The following ZFHX3 variants were observed in gnomAD, a reference collection of about 807,000 sequenced individuals.
ZFHX3 encodes the protein zinc finger homeobox 3, also known as zinc finger homeobox protein 3.
ZFHX3 carries 42 observed loss-of-function variants against 279.1 expected under a neutral mutation model. The observed-to-expected ratio is 0.15, with a 90% CI of 0.12 to 0.19. The LOEUF is 0.19. ZFHX3 is among the 10% of genes least tolerant of loss of function. ZFHX3 has a pLI of 1.00. For synonymous variants in ZFHX3, 2,293 were observed against 1,957.8 expected (o/e 1.17, Z -4.52); for missense variants, 4,981 against 4,754.0 (o/e 1.05, Z -1.40).
chr16:73,318,376 C>G (rs138849114), intron 3 of ZFHX3: 7 of 152,258 alleles, frequency 4.6e-5, no homozygotes, highest in African/African-American at 9.7e-5. Context: ...CACCTTTAAT[C>G]TCACGACACA....
intron 4 of ZFHX3, among the ~76,000 whole-genome samples, chr16:73,304,214 C>A (rs1017833713): frequency 8.6e-5 from 13 of 152,028 alleles, no homozygotes; most frequent in Non-Finnish European, 1.8e-4. Context: ...GGCTGGTTAG[C>A]CAGCAGCATG....
At chr16:73,644,129 G>A (rs912032610) in intron 2 of ZFHX3, among the ~76,000 whole-genome samples, 1 of 151,992 alleles carries the variant, frequency 6.6e-6, no homozygotes, top group African/African-American at 2.4e-5. Flanking sequence ...CTTTGACCTA[G>A]GTGGTTCTGG....
chr16:73,003,015 A>G (rs954620168), intron 1 of ZFHX3, among the ~76,000 whole-genome samples: 4 of 152,196 alleles, frequency 2.6e-5, no homozygotes, highest in African/African-American at 7.2e-5. Flanking sequence ...CTGAAGTCCT[A>G]TAGTCCACAG....
In ZFHX3 at chr16:72,960,205, G is replaced by C. The variant is rs961590879; in HGVS notation, c.-49-11C>G. 7.4e-6 allele frequency: 11 copies of C among 1,487,952 alleles called. No homozygotes were observed. In the Middle Eastern group the frequency reaches 1.3e-3, roughly 175 times the overall value. 92.2% of individuals were successfully genotyped at this position (1,487,952 alleles called of 1,614,324 possible). A position where few individuals can be genotyped will look rare whatever the true frequency, so the allele number is the denominator to read the frequency against. On this transcript the variant is annotated splice_polypyrimidine_tract_variant and intron_variant, in intron 1 of 9. Coordinates refer to ENST00000268489, the MANE Select transcript of ZFHX3 (RefSeq NM_006885.4). Reference sequence around the variant, plus strand: ...TACGGAGGCTCGGACCTGAAGGGCAGAGGCAAGGGGGGAGGAGGGAGAGAG... The same window carrying C: ...TACGGAGGCTCGGACCTGAAGGGCACAGGCAAGGGGGGAGGAGGGAGAGAG...
At chr16:73,450,811 A>T (rs2018270802) in intron 3 of ZFHX3, among the ~76,000 whole-genome samples, 1 of 152,184 alleles carries the variant, frequency 6.6e-6, no homozygotes, top group African/African-American at 2.4e-5. Context: ...TCTTTCTTAC[A>T]GGGGGAGTCT....
At chr16:73,446,979 G>C (rs574532089) in intron 3 of ZFHX3, among the ~76,000 whole-genome samples, 27 of 152,152 alleles carry the variant, frequency 1.8e-4, no homozygotes, top group Admixed American at 9.2e-4. Context: ...AGGAGATCGA[G>C]ACCATCCTGG....
chr16:73,876,874 C>T (rs975393393), intron 1 of ZFHX3, among the ~76,000 whole-genome samples: 6 of 152,004 alleles, frequency 3.9e-5, no homozygotes, highest in East Asian at 3.9e-4. Context: ...CAAAACCCAC[C>T]GTGTGGGTTC....
rs1214965930 is a variant in ZFHX3, at chr16:72,788,673, C to G, written c.9603G>C (p.Gln3201His). Reference protein sequence around the residue: ...GPQQPPQQQQQQQQPQVQQPP... With the variant: ...GPQQPPQQQQHQQQPQVQQPP... Reference sequence around the variant, plus strand: ...GCTGCTGCACCTGTGGTTGCTGCTGCTGCTGCTGCTGCTGGGGGGGTTGCT... The same window carrying G: ...GCTGCTGCACCTGTGGTTGCTGCTGGTGCTGCTGCTGCTGGGGGGGTTGCT... The change falls in exon 10 of 10, where the codon CAG becomes CAC. Residue 3201 changes from glutamine to histidine, a missense_variant. Transcript: ENST00000268489. 1 of 1,609,292 alleles carries G rather than the reference C, an allele frequency of 6.2e-7. No individual in the cohort carries two copies.
chr16:72,843,262 G>T (rs1034340831), intron 4 of ZFHX3, among the ~76,000 whole-genome samples: 3 of 152,102 alleles, frequency 2.0e-5, no homozygotes, highest in Middle Eastern at 3.4e-3. Flanking sequence ...TGTAATCTCA[G>T]CACTTTGGGA....
At chr16:73,194,455 C>T (rs1567415314) in intron 5 of ZFHX3, among the ~76,000 whole-genome samples, 1 of 152,180 alleles carries the variant, frequency 6.6e-6, no homozygotes, top group Non-Finnish European at 1.5e-5. Context: ...CCACCTTGGC[C>T]TCCCAAAGTG....
chr16:73,233,024 T>C (rs2012825328), intron 5 of ZFHX3: 1 of 145,062 alleles, frequency 6.9e-6, no homozygotes, highest in Non-Finnish European at 1.5e-5. Context: ...TAGAGTTAGA[T>C]CGACTAATTG....
chr16:73,509,836 T>C (rs1051904242), intron 2 of ZFHX3, among the ~76,000 whole-genome samples: 3 of 151,916 alleles, frequency 2.0e-5, no homozygotes, highest in East Asian at 3.9e-4. Flanking sequence ...GCTGGGATCA[T>C]AGGGACCCAC....
At chr16:73,121,749 G>T (rs569469532) in intron 7 of ZFHX3, among the ~76,000 whole-genome samples, 1 of 151,754 alleles carries the variant, frequency 6.6e-6, no homozygotes, top group South Asian at 2.1e-4. Context: ...CCAAGTAGCT[G>T]GGACTACAGG....
intron 7 of ZFHX3, among the ~76,000 whole-genome samples, chr16:73,111,677 GAGGA>G (rs1472297770): frequency 3.2e-5 from 3 of 94,702 alleles, no homozygotes; most frequent in Non-Finnish European, 4.5e-5. Flanking sequence ...GAGCGAAAGA[GAGGA>G]AGGAAGGAAG....
intron 2 of ZFHX3, among the ~76,000 whole-genome samples, chr16:73,526,082 T>C (rs1448031140): frequency 1.3e-5 from 2 of 152,240 alleles, no homozygotes; most frequent in Non-Finnish European, 2.9e-5. Flanking sequence ...GCTTGGTCCC[T>C]GTCCGGCACA....
chr16:73,710,712 G>T (rs1014018319), intron 1 of ZFHX3, among the ~76,000 whole-genome samples: 1 of 152,140 alleles, frequency 6.6e-6, no homozygotes, highest in African/African-American at 2.4e-5. Flanking sequence ...GCTCACAGCC[G>T]CTGTGTCCTG....
intron 5 of ZFHX3, among the ~76,000 whole-genome samples, chr16:72,827,723 T>G (rs1216888082): frequency 1.3e-5 from 2 of 152,198 alleles, no homozygotes; most frequent in Non-Finnish European, 2.9e-5. Context: ...AGCACAGATG[T>G]CCATCCTCCA....
intron 1 of ZFHX3, among the ~76,000 whole-genome samples, chr16:73,033,403 C>T (rs1369680090): frequency 3.3e-5 from 5 of 152,176 alleles, no homozygotes; most frequent in Non-Finnish European, 5.9e-5. Context: ...GCAGCTCCCC[C>T]GCCGCCCCCC....
chr16:73,433,363 C>A (rs34339652), intron 3 of ZFHX3, among the ~76,000 whole-genome samples: 10,778 of 152,244 alleles, frequency 0.071, 550 homozygotes, highest in South Asian at 0.16. Flanking sequence ...AGCCTGTACA[C>A]TGGAACCAAA....
Sources: allele counts gnomAD v4.1 joint callset (sites outside exome capture counted in the v4.1 genomes callset), GRCh38; gene constraint gnomAD v4.1.1; transcripts MANE v1.5; gene names NCBI Gene and HGNC (gene_info 2026-07-23, HGNC 2026-07-21).